INSL6: variants seen among roughly 807,000 people sequenced by gnomAD.
INSL6 encodes the protein insulin-like peptide INSL6.
Under a neutral mutation model 9.4 loss-of-function variants are expected in INSL6, and 16 were observed. That is an observed-to-expected ratio of 1.70 (90% CI 1.15 to 2.59). The LOEUF (loss-of-function observed/expected upper bound fraction) is 2.59, where lower values mean the gene tolerates loss of function less well. Ranked by LOEUF, INSL6 falls within the 30% of genes most tolerant of loss-of-function variation. INSL6 has a pLI of 0.00. For missense variants in INSL6, 391 were observed against 257.3 expected (o/e 1.52, Z -3.56); for synonymous variants, 154 against 96.9 (o/e 1.59, Z -3.46).
intron 2 of INSL6, among the ~76,000 whole-genome samples, chr9:5,151,479 T>C (rs1403295820): frequency 6.6e-6 from 1 of 151,888 alleles, no homozygotes; most frequent in Non-Finnish European, 1.5e-5. Flanking sequence ...GTAAAATGTA[T>C]GGCACAAACA....
At chr9:5,068,158 C>CA in the INSL6 span, among the ~76,000 whole-genome samples, 9 of 77,512 alleles carry the variant, frequency 1.2e-4, no homozygotes, top group Middle Eastern at 6.5e-3. Context: ...GACACGGTCT[C>CA]AAAAAAAAAC....
the INSL6 span, among the ~76,000 whole-genome samples, chr9:5,072,008 T>A: frequency 1.3e-5 from 2 of 152,222 alleles, no homozygotes; most frequent in Non-Finnish European, 2.9e-5. Context: ...AACAATCCTA[T>A]GGGAAAATAG....
chr9:5,006,746 C>T, the INSL6 span, among the ~76,000 whole-genome samples: 583 of 152,310 alleles, frequency 3.8e-3, 6 homozygotes, highest in African/African-American at 0.014. Flanking sequence ...GACCCAGTCA[C>T]CTCTCACCAG....
the INSL6 span, among the ~76,000 whole-genome samples, chr9:5,074,859 A>G: frequency 6.6e-6 from 1 of 152,202 alleles, no homozygotes; most frequent in African/African-American, 2.4e-5. Context: ...GCATGCTGAA[A>G]GCCAAGACAA....
chr9:5,184,585 G>C (rs1316775385), intron 1 of INSL6, among the ~76,000 whole-genome samples: 1 of 152,160 alleles, frequency 6.6e-6, no homozygotes, highest in African/African-American at 2.4e-5. Context: ...CTATAATACA[G>C]TATGGTATAT....
chr9:5,085,144 T>C, the INSL6 span: 1 of 647,428 alleles, frequency 1.5e-6, no homozygotes, highest in African/African-American at 1.8e-5. Flanking sequence ...CTGTAATACA[T>C]ACTGTGGAGC....
the INSL6 span, among the ~76,000 whole-genome samples, chr9:5,022,940 T>G: frequency 1.3e-5 from 2 of 152,248 alleles, no homozygotes; most frequent in African/African-American, 4.8e-5. Flanking sequence ...AATGTATGAT[T>G]ACATCAATTT....
chr9:5,131,645 G>C (rs988752775), intron 3 of INSL6, among the ~76,000 whole-genome samples: 1 of 151,818 alleles, frequency 6.6e-6, no homozygotes, highest in African/African-American at 2.4e-5. Context: ...TCACCGTGTT[G>C]GTCAGTCTGG....
chr9:5,044,859 C>G, the INSL6 span, among the ~76,000 whole-genome samples: 1 of 152,030 alleles, frequency 6.6e-6, no homozygotes, highest in African/African-American at 2.4e-5. Context: ...AGTAACATTT[C>G]TTTATGGTTT....
At chr9:5,102,626 T>C in the INSL6 span, among the ~76,000 whole-genome samples, 19 of 152,240 alleles carry the variant, frequency 1.2e-4, no homozygotes, top group East Asian at 3.7e-3. Flanking sequence ...GAAAAAAATG[T>C]TAAGGGCAGC....
the INSL6 span, chr9:5,114,612 G>A: frequency 4.1e-6 from 2 of 487,998 alleles, no homozygotes; most frequent in Non-Finnish European, 8.1e-6. Flanking sequence ...GTACAACGAG[G>A]TGCAGCTCCC....
At chr9:5,033,596 A>T in the INSL6 span, among the ~76,000 whole-genome samples, 3 of 152,220 alleles carry the variant, frequency 2.0e-5, no homozygotes, top group African/African-American at 7.2e-5. Flanking sequence ...CAACATTCTT[A>T]AAGAAAAGAA....
the INSL6 span, chr9:5,098,318 T>G: frequency 6.6e-6 from 1 of 152,256 alleles, no homozygotes; most frequent in African/African-American, 2.4e-5. Flanking sequence ...AGTTAAGTTA[T>G]AGGCTAAATC....
intron 2 of INSL6, among the ~76,000 whole-genome samples, chr9:5,145,204 T>C (rs1425973588): frequency 6.6e-6 from 1 of 152,210 alleles, no homozygotes; most frequent in Non-Finnish European, 1.5e-5. Flanking sequence ...AAGGGTCTTA[T>C]TTCTCGTTCA....
chr9:5,058,294 G>C, the INSL6 span, among the ~76,000 whole-genome samples: 2 of 152,100 alleles, frequency 1.3e-5, no homozygotes, highest in African/African-American at 2.4e-5. Context: ...CTCGCAGTTC[G>C]GCATGGCTGG....
At chr9:4,997,842 T>C in the INSL6 span, among the ~76,000 whole-genome samples, 1 of 152,222 alleles carries the variant, frequency 6.6e-6, no homozygotes, top group Non-Finnish European at 1.5e-5. Context: ...AACATAATGC[T>C]TCAGTGTCTG....
At chr9:5,024,074 G>A in the INSL6 span, among the ~76,000 whole-genome samples, 25 of 152,022 alleles carry the variant, frequency 1.6e-4, no homozygotes, top group African/African-American at 6.0e-4. Flanking sequence ...GGCTAATATG[G>A]TGAAACCTCA....
downstream of INSL6, among the ~76,000 whole-genome samples, chr9:5,159,008 T>C (rs966255356): frequency 3.9e-5 from 6 of 152,152 alleles, no homozygotes; most frequent in Non-Finnish European, 8.8e-5. Context: ...AGTTAAAGTG[T>C]AGAATTGTTA....
intron 2 of INSL6, among the ~76,000 whole-genome samples, chr9:5,154,603 C>A (rs1441179399): frequency 2.0e-5 from 3 of 152,216 alleles, no homozygotes; most frequent in Middle Eastern, 3.4e-3. Flanking sequence ...CCAGAATCTA[C>A]GATGAACTCA....
Sources: gnomAD v4.1 joint callset for allele counts (sites outside exome capture counted in the v4.1 genomes callset) on GRCh38, gnomAD v4.1.1 for gene constraint, MANE v1.5 for transcripts, NCBI Gene and HGNC (gene_info 2026-07-23, HGNC 2026-07-21) for gene names.